The following SCTR variants were observed in gnomAD, a reference collection of about 807,000 sequenced individuals.
SCTR encodes the protein secretin receptor.
SCTR carries 56 observed loss-of-function variants against 60.8 expected under a neutral mutation model. The observed-to-expected ratio is 0.92, with a 90% CI of 0.74 to 1.15. The LOEUF is 1.15. Ranked by LOEUF, SCTR falls within the 50% of genes most tolerant of loss-of-function variation. SCTR has a pLI of 0.00. For missense variants in SCTR, 562 were observed against 550.4 expected (o/e 1.02, Z -0.21); for synonymous variants, 202 against 217.0 (o/e 0.93, Z 0.61).
At chr2:119,476,387 T>C (rs1185151759) in intron 3 of SCTR, 1 of 152,178 alleles carries the variant, frequency 6.6e-6, no homozygotes, top group Non-Finnish European at 1.5e-5. Context: ...GGCAGGCCTT[T>C]GGTGTGGCCC....
intron 2 of SCTR, among the ~76,000 whole-genome samples, chr2:119,485,232 G>A (rs1014389857): frequency 2.6e-5 from 4 of 152,234 alleles, no homozygotes; most frequent in African/African-American, 7.2e-5. Context: ...GTCAGAAAAC[G>A]GAGAAAGTTC....
At position 119,440,195 on chromosome 2, in the gene SCTR, G is replaced by T; in HGVS notation, c.1245C>A (p.Pro415=). Residue 415 remains proline, a synonymous_variant, in exon 13 of 13, where the codon CCC becomes CCA. Coordinates refer to ENST00000019103, the MANE Select transcript of SCTR (RefSeq NM_002980.3). ...TGGTGCTGTTGCTGAAGGAGGCCACGGGGTGCAGTGGGAACTCACGGAGGT... is the reference window on the plus strand; with the variant it reads ...TGGTGCTGTTGCTGAAGGAGGCCACTGGGTGCAGTGGGAACTCACGGAGGT... ...QWHLREFPLH[P]VASFSNSTKA... The T allele has an allele frequency of 6.2e-7, 1 of 1,614,004 alleles. No homozygotes were observed. The highest frequency in any genetic ancestry group is 8.5e-7 in the Non-Finnish European group (1 of 1,179,986).
intron 9 of SCTR, among the ~76,000 whole-genome samples, chr2:119,450,044 A>G (rs191442469): frequency 1.4e-4 from 20 of 145,866 alleles, no homozygotes; most frequent in East Asian, 2.0e-4. Flanking sequence ...AGGAAGGAAG[A>G]AAGAAAAAAG....
chr2:119,478,078 T>C (rs928796505), intron 3 of SCTR, among the ~76,000 whole-genome samples: 2 of 152,222 alleles, frequency 1.3e-5, no homozygotes, highest in African/African-American at 4.8e-5. Context: ...TAGTGTTAAA[T>C]CACCTATTCT....
chr2:119,468,305 C>A (rs760304283), intron 4 of SCTR, among the ~76,000 whole-genome samples: 1 of 152,140 alleles, frequency 6.6e-6, no homozygotes, highest in Non-Finnish European at 1.5e-5. Flanking sequence ...GGGAAAGTAA[C>A]CTTGAGGTTA....
Position 119,524,248 on chromosome 2 carries a change from G to A in SCTR, c.-22C>T, listed in dbSNP as rs958561266. 6.3e-6 allele frequency: 9 copies of A among 1,419,788 alleles called. No homozygotes were observed. Among genetic ancestry groups the A allele is most frequent in the South Asian group, 3.0e-5 (2 of 67,270 alleles). The allele number at this position is 1,419,788 out of a possible 1,614,324, so 87.9% of individuals were successfully genotyped here. A position where few individuals can be genotyped will look rare whatever the true frequency, so the allele number is the denominator to read the frequency against. ...GCATGGTGCCCGCACGTTCCCCGAG[G>A]GCGCCCCGACGTCCGCCTGCCCGTG... On this transcript the variant is annotated 5_prime_UTR_variant, in exon 1 of 13. Coordinates refer to ENST00000019103, the MANE Select transcript of SCTR (RefSeq NM_002980.3).
intron 7 of SCTR, among the ~76,000 whole-genome samples, chr2:119,457,693 A>G (rs555967828): frequency 2.0e-5 from 3 of 152,282 alleles, no homozygotes; most frequent in Admixed American, 6.5e-5. Flanking sequence ...AGCTTGGGCC[A>G]AGAGAGTGAG....
Position 119,439,976 on chromosome 2 carries a change from A to G in SCTR, c.*141T>C. 2.4e-6 allele frequency: 2 copies of G among 834,974 alleles called. No individual in the cohort carries two copies. Among genetic ancestry groups the G allele is most frequent in the Non-Finnish European group, 3.7e-6 (2 of 547,928 alleles). 51.7% of individuals were successfully genotyped at this position (834,974 alleles called of 1,614,324 possible). ...ACAGTGCCTCACATCCCTTCGGAAG[A>G]GTCCAAGGCCTGGGGAGGGGCATCT... is the stretch of plus-strand genomic sequence containing the variant. On this transcript the variant is annotated 3_prime_UTR_variant, in exon 13 of 13. Coordinates refer to ENST00000019103, the MANE Select transcript of SCTR (RefSeq NM_002980.3).
At chr2:119,469,715 G>A (rs995612754) in intron 4 of SCTR, among the ~76,000 whole-genome samples, 1 of 152,120 alleles carries the variant, frequency 6.6e-6, no homozygotes, top group East Asian at 1.9e-4. Context: ...CTGGTCTTGA[G>A]CTCAGGAGTT....
intron 7 of SCTR, among the ~76,000 whole-genome samples, chr2:119,456,435 T>TA (rs1558841916): frequency 6.6e-6 from 1 of 152,022 alleles, no homozygotes; most frequent in Non-Finnish European, 1.5e-5. Context: ...GACATGGGAT[T>TA]AAAAAAATGT....
At chr2:119,445,102 T>C (rs13405145) in intron 11 of SCTR, among the ~76,000 whole-genome samples, 32,615 of 148,682 alleles carry the variant, frequency 0.22, 4,134 homozygotes, top group South Asian at 0.35. Context: ...GACATTTTCC[T>C]AGAGAAGTAG....
intron 7 of SCTR, among the ~76,000 whole-genome samples, chr2:119,461,439 C>T (rs1468454992): frequency 6.6e-6 from 1 of 152,160 alleles, no homozygotes; most frequent in Non-Finnish European, 1.5e-5. Context: ...TAGCTGGATG[C>T]GGTGGCTCAC....
At chr2:119,464,280 T>A (rs951039193) in intron 5 of SCTR, 25 bp from the exon 6 acceptor site, 5 of 1,613,834 alleles carry the variant, frequency 3.1e-6, no homozygotes, top group Non-Finnish European at 4.2e-6. Flanking sequence ...TGTAGGGACA[T>A]AGAGGCCAGA....
intron 1 of SCTR, among the ~76,000 whole-genome samples, chr2:119,495,761 C>T (rs1182229541): frequency 2.0e-5 from 3 of 152,152 alleles, no homozygotes; most frequent in African/African-American, 4.8e-5. Context: ...TCCATGACAC[C>T]AACTGACCAA....
intron 2 of SCTR, 31 bp downstream of exon 2, chr2:119,494,397 G>A: frequency 6.2e-7 from 1 of 1,609,782 alleles, no homozygotes; most frequent in Non-Finnish European, 8.5e-7. Context: ...CCACCCCCAA[G>A]AGAGGACATG....
At chr2:119,488,349 C>T (rs1677970506) in intron 2 of SCTR, among the ~76,000 whole-genome samples, 1 of 152,244 alleles carries the variant, frequency 6.6e-6, no homozygotes, top group South Asian at 2.1e-4. Flanking sequence ...GAGCCCTTTT[C>T]TTAAGCAGAG....
At chr2:119,443,533 AATTAGAAAG>A (rs1224098411) in intron 11 of SCTR, among the ~76,000 whole-genome samples, 2 of 152,292 alleles carry the variant, frequency 1.3e-5, no homozygotes, top group East Asian at 3.9e-4. Flanking sequence ...TTATTTATAC[AATTAGAAAG>A]AGTGAATACA....
At position 119,517,027 on chromosome 2, in the gene SCTR, A is replaced by G. The variant is rs1349268491; in HGVS notation, c.72+7128T>C. On this transcript the variant is annotated intron_variant, in intron 1 of 12. Coordinates refer to ENST00000019103, the MANE Select transcript of SCTR (RefSeq NM_002980.3). ...TACACTGGAATTTTGCCATAAGAGTAGATTTCAGGTGCTCTTACCACACAC... is the reference window on the plus strand; with the variant it reads ...TACACTGGAATTTTGCCATAAGAGTGGATTTCAGGTGCTCTTACCACACAC... Among the ~76,000 whole-genome samples the G allele has an allele frequency of 2.0e-5, 3 of 148,886 alleles. No individual in the cohort carries two copies. The East Asian group carries it at 6.9e-4, about 34-fold the overall frequency.
chr2:119,518,406 G>A (rs1679179540), intron 1 of SCTR, among the ~76,000 whole-genome samples: 3 of 145,374 alleles, frequency 2.1e-5, no homozygotes, highest in South Asian at 4.2e-4. Flanking sequence ...TCAGGAGCAC[G>A]CCTAAGAGCC....
Sources: gnomAD v4.1 joint callset for allele counts (sites outside exome capture counted in the v4.1 genomes callset) on GRCh38, gnomAD v4.1.1 for gene constraint, MANE v1.5 for transcripts, NCBI Gene and HGNC (gene_info 2026-07-23, HGNC 2026-07-21) for gene names.